The following FAT3 variants were observed in gnomAD, a reference collection of about 807,000 sequenced individuals.
The protein encoded by FAT3 is protocadherin Fat 3.
Under a neutral mutation model 310.2 loss-of-function variants are expected in FAT3, and 95 were observed. The observed-to-expected ratio is 0.31, with a 90% confidence interval of 0.26 to 0.36. FAT3 has a LOEUF of 0.36. Ranked by LOEUF, FAT3 falls within the 10% of genes least tolerant of loss-of-function variation. The pLI, the probability that FAT3 is intolerant of heterozygous loss-of-function variation, is 1.00. For missense variants in FAT3, 5,408 were observed against 5,715.6 expected, an observed-to-expected ratio of 0.95 and a Z score of 1.74; for synonymous variants, 2,314 against 2,192.9, an observed-to-expected ratio of 1.06 and a Z score of -1.54.
chr11:92,662,750 G>T (rs958400338), intron 3 of FAT3, among the ~76,000 whole-genome samples: 1 of 152,178 alleles, frequency 6.6e-6, no homozygotes, highest in African/African-American at 2.4e-5. Context: ...TTGCAATTTT[G>T]TCAGCTCACT....
chr11:92,294,905 T>G (rs1057424028), intron 1 of FAT3, among the ~76,000 whole-genome samples: 2 of 152,106 alleles, frequency 1.3e-5, no homozygotes, highest in Non-Finnish European at 2.9e-5. Flanking sequence ...CATTGAAAGA[T>G]TTAGTAGTGC....
intron 7 of FAT3, among the ~76,000 whole-genome samples, chr11:92,784,692 G>A (rs1034798398): frequency 1.3e-5 from 2 of 152,140 alleles, no homozygotes; most frequent in South Asian, 2.1e-4. Flanking sequence ...TTGTTAGTTC[G>A]GGAGCTCACA....
intron 1 of FAT3, among the ~76,000 whole-genome samples, chr11:92,339,463 C>G (rs1210043609): frequency 6.6e-6 from 1 of 152,074 alleles, no homozygotes; most frequent in East Asian, 1.9e-4. Context: ...TAACTGATGT[C>G]CAAAGAGAAA....
chr11:92,594,662 A>G (rs1319726994), intron 3 of FAT3, among the ~76,000 whole-genome samples: 1 of 152,160 alleles, frequency 6.6e-6, no homozygotes, highest in Non-Finnish European at 1.5e-5. Context: ...AGCACAATTT[A>G]GTCTCTGAAC....
chr11:92,820,926 C>G (rs1312158674), intron 13 of FAT3, among the ~76,000 whole-genome samples: 2 of 152,168 alleles, frequency 1.3e-5, no homozygotes, highest in Non-Finnish European at 2.9e-5. Context: ...GTTCTACTCT[C>G]CAAGGAACAA....
chr11:92,785,138 G>A (rs1252743627), intron 7 of FAT3, among the ~76,000 whole-genome samples: 1 of 152,020 alleles, frequency 6.6e-6, no homozygotes, highest in Non-Finnish European at 1.5e-5. Flanking sequence ...AGAGGTGGTA[G>A]CACCACCATT....
intron 1 of FAT3, among the ~76,000 whole-genome samples, chr11:92,256,485 A>G (rs1865322366): frequency 6.6e-6 from 1 of 152,044 alleles, no homozygotes; most frequent in African/African-American, 2.4e-5. Flanking sequence ...AATTCGAGTT[A>G]TTAATATTAT....
chr11:92,592,521 C>T (rs1428876650), intron 3 of FAT3, among the ~76,000 whole-genome samples: 3 of 151,890 alleles, frequency 2.0e-5, no homozygotes, highest in Admixed American at 6.6e-5. Flanking sequence ...GGGATTTCAC[C>T]GTGTTGGTCA....
chr11:92,423,559 A>G (rs183706926), intron 2 of FAT3, among the ~76,000 whole-genome samples: 4 of 152,344 alleles, frequency 2.6e-5, no homozygotes, highest in Admixed American at 1.3e-4. Context: ...TGGTGTAACC[A>G]CACTGCCTCA....
In FAT3 at chr11:92,229,511, T is replaced by TTTTTTTTTTTTTTTTTTTTTTTTC. The variant is rs1864077193; in HGVS notation, c.-18+4339_-18+4340insTTTTTTTTTTTTTTTTTTTTTCTT. Reference sequence around the variant, plus strand: ...TTTCGTGTTTTTTTTTTTTTTGTTTTTTGTTTTTTTTTACATTGCCTCCCT... The same window carrying TTTTTTTTTTTTTTTTTTTTTTTTC: ...TTTCGTGTTTTTTTTTTTTTTGTTTTTTTTTTTTTTTTTTTTTTTTTTTCTTGTTTTTTTTTACATTGCCTCCCT... On this transcript the variant is annotated intron_variant, in intron 1 of 27. Coordinates refer to ENST00000525166, the MANE Select transcript of FAT3 (RefSeq NM_001367949.2). 2.7e-5 allele frequency among the ~76,000 whole-genome samples: 2 copies of TTTTTTTTTTTTTTTTTTTTTTTTC among 75,324 alleles called. 1 individual carries two copies. Among genetic ancestry groups the TTTTTTTTTTTTTTTTTTTTTTTTC allele is most frequent in the African/African-American group, 8.3e-5 (2 of 24,102 alleles). 49.4% of individuals were successfully genotyped at this position (75,324 alleles called of 152,430 possible). A position where few individuals can be genotyped will look rare whatever the true frequency, so the allele number is the denominator to read the frequency against.
Position 92,672,851 on chromosome 11 carries a change from A to C in FAT3, c.3608-24533A>C, listed in dbSNP as rs115122917. The stretch of plus-strand genomic sequence containing the variant: ...GGCGGAACTCAGTTAATATTATAGG[A>C]ATCCATCTTTCAGTCACTGTGAGGA... On this transcript the variant is annotated intron_variant, in intron 3 of 27. Coordinates refer to ENST00000525166, the MANE Select transcript of FAT3 (RefSeq NM_001367949.2). Among the ~76,000 whole-genome samples the C allele has an allele frequency of 7.1e-3, 1,084 of 152,234 alleles. 11 individuals are homozygous for C. Among genetic ancestry groups the C allele is most frequent in the African/African-American group, 0.025 (1,057 of 41,520 alleles).
At chr11:92,656,454 A>G (rs1189918323) in intron 3 of FAT3, among the ~76,000 whole-genome samples, 1 of 152,214 alleles carries the variant, frequency 6.6e-6, no homozygotes, top group African/African-American at 2.4e-5. Flanking sequence ...ACAAATATGT[A>G]GGAAGTTTTT....
intron 3 of FAT3, among the ~76,000 whole-genome samples, chr11:92,609,014 C>G (rs1940439135): frequency 6.6e-6 from 1 of 152,206 alleles, no homozygotes; most frequent in Admixed American, 6.5e-5. Context: ...TTTTGCATTT[C>G]TGTGGCCATG....
intron 13 of FAT3, among the ~76,000 whole-genome samples, chr11:92,829,271 A>T (rs1053156173): frequency 6.6e-6 from 1 of 152,226 alleles, no homozygotes; most frequent in Non-Finnish European, 1.5e-5. Flanking sequence ...CAGCACATGC[A>T]CTAATGGAAG....
At chr11:92,494,363 C>T (rs183461646) in intron 2 of FAT3, among the ~76,000 whole-genome samples, 1 of 151,870 alleles carries the variant, frequency 6.6e-6, no homozygotes, top group Non-Finnish European at 1.5e-5. Context: ...AATAGTCACT[C>T]AATAAAATAT....
Position 92,866,859 on chromosome 11 carries a change from G to T in FAT3, c.11777G>T (p.Arg3926Leu). Reference sequence around the variant, plus strand: ...CACTCGGTCTTCCTGGAGCTCAACCGCAATTTCACGAGCCTGTCCCTGGAT... The same window carrying T: ...CACTCGGTCTTCCTGGAGCTCAACCTCAATTTCACGAGCCTGTCCCTGGAT... ...SWHSVFLELN[R>L]NFTSLSLDDS... Residue 3926 changes from arginine (R) to leucine (L), a missense_variant, in exon 22 of 28, where the codon CGC (arginine) becomes CTC (leucine). Arg to Leu is a moderately radical substitution (Grantham distance 102). Around this residue, in one of 5 missense-constraint regions of FAT3, gnomAD observed 4,588 missense variants for 4,809.8 expected, o/e 0.95. Transcript: ENST00000525166. The T allele has an allele frequency of 6.2e-7, 1 of 1,613,840 alleles. No individual in the cohort carries two copies. Among genetic ancestry groups the T allele is most frequent in the Non-Finnish European group, 8.5e-7 (1 of 1,179,852 alleles).
At chr11:92,725,066 C>A (rs938810746) in intron 4 of FAT3, among the ~76,000 whole-genome samples, 18 of 152,180 alleles carry the variant, frequency 1.2e-4, no homozygotes, top group African/African-American at 4.1e-4. Flanking sequence ...AACCCTAAAT[C>A]CAATTGACTA....
chr11:92,477,991 T>C (rs1952093418), intron 2 of FAT3, among the ~76,000 whole-genome samples: 1 of 152,180 alleles, frequency 6.6e-6, no homozygotes, highest in South Asian at 2.1e-4. Context: ...AGGCCTTGTA[T>C]ACCTGTGAGC....
intron 3 of FAT3, chr11:92,559,383 CTTTTTT>C (rs386374501): frequency 3.8e-4 from 55 of 143,910 alleles, no homozygotes; most frequent in South Asian, 1.4e-3. Flanking sequence ...ACTTATTTTC[CTTTTTT>C]TTTTTTTTTT....
Sources: gnomAD v4.1 joint callset for allele counts (sites outside exome capture counted in the v4.1 genomes callset) on GRCh38, gnomAD v4.1.1 for gene constraint, gnomAD v4.1.1 regional missense constraint, MANE v1.5 for transcripts, NCBI Gene and HGNC (gene_info 2026-07-23, HGNC 2026-07-21) for gene names.